RELN: variants seen among roughly 807,000 people sequenced by gnomAD.
The protein encoded by RELN is reelin.
A neutral mutation model predicts 427.6 loss-of-function variants in RELN; 108 were observed. That is an observed-to-expected ratio of 0.25 (90% CI 0.22 to 0.30). The LOEUF (loss-of-function observed/expected upper bound fraction) is 0.30, where lower values mean the gene tolerates loss of function less well. Ranked by LOEUF, RELN falls within the 10% of genes least tolerant of loss-of-function variation. RELN has a pLI of 1.00. For synonymous variants in RELN, 1,524 were observed against 1,513.4 expected (o/e 1.01, Z -0.16); for missense variants, 3,715 against 4,302.8 (o/e 0.86, Z 3.82).
chr7:103,876,046 T>A (rs193272652), intron 2 of RELN, among the ~76,000 whole-genome samples: 6 of 152,268 alleles, frequency 3.9e-5, no homozygotes, highest in Admixed American at 1.3e-4. Flanking sequence ...GTAACCACTA[T>A]GTTCTTGTTG....
At chr7:103,957,606 G>A (rs1184481014) in intron 1 of RELN, among the ~76,000 whole-genome samples, 3 of 152,066 alleles carry the variant, frequency 2.0e-5, no homozygotes, top group African/African-American at 4.8e-5. Flanking sequence ...ATGCTCACAC[G>A]TGCTCACTCA....
chr7:103,954,282 T>C (rs759171662), intron 1 of RELN, among the ~76,000 whole-genome samples: 46 of 151,992 alleles, frequency 3.0e-4, no homozygotes, highest in Non-Finnish European at 4.6e-4. Flanking sequence ...CAAACAAACT[T>C]ACCAGCCTCG....
chr7:103,706,044 TTACAG>T (rs1217676228), intron 8 of RELN, among the ~76,000 whole-genome samples: 2 of 152,226 alleles, frequency 1.3e-5, no homozygotes, highest in Non-Finnish European at 2.9e-5. Context: ...ACTAAAGAAC[TTACAG>T]TACATTTTTC....
At chr7:103,912,359 T>C (rs1795388312) in intron 2 of RELN, among the ~76,000 whole-genome samples, 1 of 152,050 alleles carries the variant, frequency 6.6e-6, no homozygotes, top group Non-Finnish European at 1.5e-5. Context: ...TAATTTTTTG[T>C]ATTTTTAGTA....
intron 55 of RELN, 143 bp downstream of exon 55, chr7:103,497,677 A>G: frequency 1.4e-6 from 1 of 732,060 alleles, no homozygotes; most frequent in Non-Finnish European, 2.4e-6. Flanking sequence ...AACATGTAAT[A>G]CAAACAAAAT....
At chr7:103,610,628 G>C in intron 22 of RELN, 67 bp downstream of exon 22, 1 of 830,044 alleles carries the variant, frequency 1.2e-6, no homozygotes, top group East Asian at 2.4e-5. Context: ...AATCAATAGA[G>C]ACAGAATTGA....
At chr7:103,893,941 C>T (rs981413646) in intron 2 of RELN, among the ~76,000 whole-genome samples, 12 of 152,124 alleles carry the variant, frequency 7.9e-5, no homozygotes, top group African/African-American at 2.9e-4. Flanking sequence ...ACTTATTCTC[C>T]TTCCTGTGTT....
Position 103,548,836 on chromosome 7 carries a change from G to T in RELN, c.6302+2231C>A, listed in dbSNP as rs190918315. On this transcript the variant is annotated intron_variant, in intron 41 of 64. Transcript: ENST00000428762. ...TGCTGAGCGAGGTGGTCTCTGTGAC[G>T]CTGGAGCACTCCCCTGGCATGGACA... Among the ~76,000 whole-genome samples the T allele has an allele frequency of 2.7e-3, 404 of 152,270 alleles. 4 individuals carry two copies. Among genetic ancestry groups the T allele is most frequent in the South Asian group, 0.02 (98 of 4,814 alleles).
At chr7:103,779,444 G>A (rs1003405799) in intron 3 of RELN, among the ~76,000 whole-genome samples, 1 of 152,124 alleles carries the variant, frequency 6.6e-6, no homozygotes, top group African/African-American at 2.4e-5. Context: ...TTACCCCCTA[G>A]GCACTGCTGT....
intron 44 of RELN, among the ~76,000 whole-genome samples, chr7:103,539,687 C>T (rs748229193): frequency 6.6e-6 from 1 of 152,220 alleles, no homozygotes; most frequent in Non-Finnish European, 1.5e-5. Flanking sequence ...TAAGGCATTT[C>T]AGTTCCAATT....
At chr7:103,842,724 C>T (rs1346213566) in intron 2 of RELN, among the ~76,000 whole-genome samples, 2 of 152,042 alleles carry the variant, frequency 1.3e-5, no homozygotes, top group African/African-American at 4.8e-5. Flanking sequence ...AGCACTAAAA[C>T]CTTTTAAAAG....
chr7:103,853,573 C>G (rs1007986813), intron 2 of RELN, among the ~76,000 whole-genome samples: 11 of 151,870 alleles, frequency 7.2e-5, no homozygotes, highest in African/African-American at 2.4e-4. Flanking sequence ...TCAAGAGAAA[C>G]AAATTTATTT....
rs771744943 is a variant in RELN, at chr7:103,635,603, T to C, written c.2304-17A>G. The C allele has an allele frequency of 2.5e-6, 4 of 1,608,466 alleles. No homozygotes were observed. In the Admixed American group the frequency reaches 6.7e-5, roughly 27 times the overall value. ...TGGAGAAACCTAGACAGAAATTGTCTATAATTAGTGTATGCATAAACATTT... is the reference window on the plus strand; with the variant it reads ...TGGAGAAACCTAGACAGAAATTGTCCATAATTAGTGTATGCATAAACATTT... On this transcript the variant is annotated splice_polypyrimidine_tract_variant and intron_variant, in intron 18 of 64. Transcript: ENST00000428762.
At position 103,491,856 on chromosome 7, in the gene RELN, T is replaced by TCTCTCACA. The variant is rs57217576; in HGVS notation, c.9443+96_9443+97insTGTGAGAG. ...CTCTCTCTCTCTCTCTCTCTCTCTC[T>TCTCTCACA]CACACACACACACACACACACACAC... On this transcript the variant is annotated intron_variant, in intron 58 of 64. Coordinates refer to ENST00000428762, the MANE Select transcript of RELN (RefSeq NM_005045.4). The TCTCTCACA allele has an allele frequency of 2.5e-3, 725 of 288,422 alleles. 1 individual carries two copies. Among genetic ancestry groups the TCTCTCACA allele is most frequent in the Middle Eastern group, 6.6e-3 (6 of 910 alleles). 17.9% of individuals were successfully genotyped at this position (288,422 alleles called of 1,614,324 possible). A position where few individuals can be genotyped will look rare whatever the true frequency, so the allele number is the denominator to read the frequency against.
intron 8 of RELN, among the ~76,000 whole-genome samples, chr7:103,711,934 C>G (rs556389967): frequency 6.6e-6 from 1 of 152,292 alleles, no homozygotes; most frequent in African/African-American, 2.4e-5. Flanking sequence ...GCTGGGATTA[C>G]AGGTGTGAGC....
At chr7:103,596,929 AC>A (rs1349495058) in intron 24 of RELN, among the ~76,000 whole-genome samples, 2 of 152,196 alleles carry the variant, frequency 1.3e-5, no homozygotes, top group African/African-American at 4.8e-5. Flanking sequence ...CACCAAGAGT[AC>A]TAAAAAGCTT....
chr7:103,731,590 C>G (rs1314468283), intron 6 of RELN, among the ~76,000 whole-genome samples: 2 of 152,060 alleles, frequency 1.3e-5, no homozygotes, highest in Non-Finnish European at 2.9e-5. Context: ...AATTGGGAGT[C>G]AAACTCTAAT....
intron 2 of RELN, among the ~76,000 whole-genome samples, chr7:103,855,693 A>G (rs1176851001): frequency 6.6e-6 from 1 of 152,176 alleles, no homozygotes; most frequent in Non-Finnish European, 1.5e-5. Flanking sequence ...AGGTGTCAAC[A>G]GGGTTAGCTC....
intron 63 of RELN, among the ~76,000 whole-genome samples, chr7:103,478,804 TCTC>T (rs1363168727): frequency 6.6e-6 from 1 of 152,136 alleles, no homozygotes; most frequent in African/African-American, 2.4e-5. Flanking sequence ...AATACAGAAG[TCTC>T]CTATGTCAGA....
Sources: allele counts gnomAD v4.1 joint callset (sites outside exome capture counted in the v4.1 genomes callset), GRCh38; gene constraint gnomAD v4.1.1; transcripts MANE v1.5; gene names NCBI Gene and HGNC (gene_info 2026-07-23, HGNC 2026-07-21).